The following HERC5 variants were observed in gnomAD, a reference collection of about 807,000 sequenced individuals.
The protein encoded by HERC5 is E3 ISG15--protein ligase HERC5.
Under a neutral mutation model 119.6 loss-of-function variants are expected in HERC5, and 99 were observed. The ratio of observed to expected loss-of-function variants is 0.83; its 90% confidence interval spans 0.70 to 0.98. The LOEUF is 0.98. HERC5 is among the 50% of genes least tolerant of loss of function. The pLI, the probability that HERC5 is intolerant of heterozygous loss-of-function variation, is 0.00. For missense variants in HERC5, 1,267 were observed against 1,241.3 expected, an observed-to-expected ratio of 1.02 and a Z score of -0.31; for synonymous variants, 478 against 445.9, an observed-to-expected ratio of 1.07 and a Z score of -0.91.
At chr4:88,499,879 T>G in intron 18 of HERC5, 47 bp from the exon 19 acceptor site, 1 of 1,291,586 alleles carries the variant, frequency 7.7e-7, no homozygotes, top group Non-Finnish European at 1.1e-6. Flanking sequence ...CTGTGTCTAG[T>G]GATCATGGTT....
Position 88,470,635 on chromosome 4 carries a change from A to G in HERC5, c.1260A>G (p.Ser420=). The G allele has an allele frequency of 2.0e-6, 3 of 1,513,900 alleles. No homozygotes were observed. In the South Asian group the frequency reaches 3.4e-5, roughly 17 times the overall value. 93.8% of individuals were successfully genotyped at this position (1,513,900 alleles called of 1,614,324 possible). The part of the protein sequence containing the change: ...STKREIQEIF[S]SPACLTGSFL... The stretch of plus-strand genomic sequence containing the variant: ...ATAGGGAAATCCAAGAGATATTTTC[A>G]TCTCCTGCTTGTCTAACTGGAAGTT... Residue 420 remains serine (S), a synonymous_variant, in exon 10 of 23, where the codon TCA becomes TCG. Transcript: ENST00000264350.
intron 16 of HERC5, among the ~76,000 whole-genome samples, chr4:88,490,965 C>A (rs550383030): frequency 1.3e-5 from 2 of 152,096 alleles, no homozygotes; most frequent in African/African-American, 4.8e-5. Flanking sequence ...TCAGTCTACT[C>A]GATTATTTGA....
intron 20 of HERC5, among the ~76,000 whole-genome samples, chr4:88,503,243 T>C (rs528614402): frequency 6.6e-6 from 1 of 152,316 alleles, no homozygotes; most frequent in African/African-American, 2.4e-5. Context: ...ATACTGAACC[T>C]ATAGATCAAT....
chr4:88,463,435 C>A, intron 4 of HERC5, 97 bp from the exon 5 acceptor site: 1 of 733,458 alleles, frequency 1.4e-6, no homozygotes, highest in Non-Finnish European at 2.4e-6. Flanking sequence ...ATCATGAGAA[C>A]TGTTGTCGCT....
At chr4:88,470,039 C>G (rs1028162146) in intron 9 of HERC5, among the ~76,000 whole-genome samples, 6 of 152,198 alleles carry the variant, frequency 3.9e-5, no homozygotes, top group Non-Finnish European at 8.8e-5. Context: ...CATAGAACTC[C>G]TATAGGTTTA....
chr4:88,485,324 G>A (rs1471551391), intron 13 of HERC5, among the ~76,000 whole-genome samples: 1 of 152,180 alleles, frequency 6.6e-6, no homozygotes, highest in Non-Finnish European at 1.5e-5. Flanking sequence ...CTTTCTCTGT[G>A]ACTCTGGAGA....
intron 3 of HERC5, among the ~76,000 whole-genome samples, chr4:88,461,520 A>G (rs1250779836): frequency 6.6e-6 from 1 of 152,238 alleles, no homozygotes; most frequent in Non-Finnish European, 1.5e-5. Context: ...AATATCTTGC[A>G]AAGAGATTCC....
intron 4 of HERC5, among the ~76,000 whole-genome samples, chr4:88,462,894 A>T (rs952060675): frequency 1.3e-5 from 2 of 152,222 alleles, no homozygotes; most frequent in Admixed American, 1.3e-4. Flanking sequence ...GAAATTTCTC[A>T]TGATCCCAAA....
intron 13 of HERC5, among the ~76,000 whole-genome samples, chr4:88,485,829 G>A (rs1177528370): frequency 1.3e-5 from 2 of 151,320 alleles, no homozygotes; most frequent in Non-Finnish European, 1.5e-5. Flanking sequence ...TTGGGATATT[G>A]CATTGTTTTT....
intron 11 of HERC5, chr4:88,472,954 G>A (rs1310425728): frequency 7.2e-6 from 1 of 138,362 alleles, no homozygotes; most frequent in Non-Finnish European, 1.5e-5. Flanking sequence ...CTACTTTTCT[G>A]TAGATTCTAG....
intron 16 of HERC5, among the ~76,000 whole-genome samples, chr4:88,491,069 A>G (rs1420090473): frequency 1.3e-5 from 2 of 152,186 alleles, no homozygotes; most frequent in Admixed American, 6.5e-5. Flanking sequence ...TTTTACATGT[A>G]TGACCCCTGT....
At position 88,457,323 on chromosome 4, in the gene HERC5, CA is replaced by C; in HGVS notation, c.56del (p.Lys19ArgfsTer34). ...GGCGCAACGGGCGCTCGACCGCGGG[CA>C]AGGCCGCCGCGACCCAGCCCGCGAA... The part of the protein sequence containing the change: ...SRRNGRSTAG[K>X]AAATQPAKSP... On this transcript the variant is annotated frameshift_variant, in exon 1 of 23. Transcript: ENST00000264350. LOFTEE classifies it high-confidence loss of function. 2.2e-6 allele frequency: 3 copies of C among 1,395,334 alleles called. No homozygotes were observed. The highest frequency in any genetic ancestry group is 3.2e-5 in the Admixed American group (1 of 31,332). The allele number at this position is 1,395,334 out of a possible 1,614,324, so 86.4% of individuals were successfully genotyped here.
Position 88,475,941 on chromosome 4 carries a change from T to C in HERC5, c.1493T>C (p.Met498Thr). 1 of 1,613,986 alleles carries C rather than the reference T, an allele frequency of 6.2e-7. No individual in the cohort carries two copies. The highest frequency in any genetic ancestry group is 8.5e-7 in the Non-Finnish European group (1 of 1,179,928). Residue 498 changes from methionine to threonine, a missense_variant, in exon 12 of 23, where the codon ATG becomes ACG. By Grantham distance (81) the Met-to-Thr change is moderately conservative. This residue lies in a region of HERC5 where 777 missense variants were observed against 758.0 expected (regional missense o/e 1.03). Coordinates refer to ENST00000264350, the MANE Select transcript of HERC5 (RefSeq NM_016323.4). ...EIFFLLPECP[M>T]MHISNNWESL... ...TTCTTCCTTCTCCCAGAATGTCCTA[T>C]GATGCATATTTCCAACAACTGGGAG... is the stretch of plus-strand genomic sequence containing the variant.
chr4:88,468,524 G>A (rs1740754915), intron 8 of HERC5, 102 bp downstream of exon 8: 2 of 721,244 alleles, frequency 2.8e-6, no homozygotes, highest in South Asian at 1.9e-5. Flanking sequence ...AGTTTACCAG[G>A]CTGACTTTTT....
chr4:88,462,199 C>G lies in HERC5; in HGVS notation c.531C>G (p.Pro177=). 2 of 1,614,122 alleles carry G rather than the reference C, an allele frequency of 1.2e-6. No homozygotes were observed. Among genetic ancestry groups the G allele is most frequent in the Non-Finnish European group, 1.7e-6 (2 of 1,180,022 alleles). The change falls in exon 4 of 23, where the codon CCC becomes CCG. Residue 177 remains proline, a synonymous_variant. Coordinates refer to ENST00000264350, the MANE Select transcript of HERC5 (RefSeq NM_016323.4). The stretch of plus-strand genomic sequence containing the variant: ...AGCTTGGAGTTGGAAGGAAATTTCC[C>G]TCAACCACCACACCACAGATTGTGG... ...HGQLGVGRKF[P]STTTPQIVEH...
chr4:88,493,604 G>A (rs1272375799), intron 17 of HERC5, among the ~76,000 whole-genome samples: 1 of 151,874 alleles, frequency 6.6e-6, no homozygotes, highest in African/African-American at 2.4e-5. Context: ...TTGTTTGTTT[G>A]TTTTGTTTTG....
intron 17 of HERC5, 115 bp from the exon 18 acceptor site, chr4:88,494,050 T>C: frequency 1.5e-6 from 1 of 653,980 alleles, no homozygotes; most frequent in South Asian, 3.1e-5. Context: ...AGGCTTTAAA[T>C]TTTTCAATTT....
At chr4:88,465,730 C>T (rs1462498401) in intron 6 of HERC5, among the ~76,000 whole-genome samples, 1 of 152,120 alleles carries the variant, frequency 6.6e-6, no homozygotes, top group Non-Finnish European at 1.5e-5. Flanking sequence ...GAAAGACTCA[C>T]GAACTTACTA....
intron 13 of HERC5, among the ~76,000 whole-genome samples, chr4:88,483,490 C>T (rs554643133): frequency 1.1e-3 from 164 of 149,856 alleles, no homozygotes; most frequent in African/African-American, 3.7e-3. Flanking sequence ...AAGGATTACC[C>T]GGGTAAGCCA....
Sources: allele counts gnomAD v4.1 joint callset (sites outside exome capture counted in the v4.1 genomes callset), GRCh38; gene constraint gnomAD v4.1.1; regional missense constraint gnomAD v4.1.1; transcripts MANE v1.5; gene names NCBI Gene and HGNC (gene_info 2026-07-23, HGNC 2026-07-21).